NPAS3: variants seen among roughly 807,000 people sequenced by gnomAD.
NPAS3 encodes the protein neuronal PAS domain-containing protein 3.
In NPAS3, 14 loss-of-function variants were observed where a neutral mutation model predicts 73.1. That is an observed-to-expected ratio of 0.19 (90% CI 0.13 to 0.30). The LOEUF (loss-of-function observed/expected upper bound fraction) is 0.30, where lower values mean the gene tolerates loss of function less well. Ranked by LOEUF, NPAS3 falls within the 10% of genes least tolerant of loss-of-function variation. NPAS3 has a pLI of 1.00. For synonymous variants in NPAS3, 620 were observed against 541.5 expected, an observed-to-expected ratio of 1.14 and a Z score of -2.01; for missense variants, 1,096 against 1,250.0, an observed-to-expected ratio of 0.88 and a Z score of 1.86.
chr14:33,560,084 T>C, intron 4 of NPAS3, 37 bp from the exon 5 acceptor site: 1 of 779,012 alleles, frequency 1.3e-6, no homozygotes, highest in Non-Finnish European at 2.2e-6. Context: ...CCTTTGTATT[T>C]ATTAATCTAT....
chr14:33,246,582 C>T (rs1243700677), intron 3 of NPAS3, among the ~76,000 whole-genome samples: 1 of 149,866 alleles, frequency 6.7e-6, no homozygotes, highest in Non-Finnish European at 1.5e-5. Context: ...TCACTTGTTC[C>T]TTTCCTATCT....
In NPAS3 at chr14:33,681,616, A is replaced by C. The variant is rs1360110961; in HGVS notation, c.733+5231A>C. 2.0e-5 allele frequency among the ~76,000 whole-genome samples: 3 copies of C among 152,218 alleles called. No individual in the cohort carries two copies. The East Asian group carries it at 5.8e-4, about 29-fold the overall frequency. On this transcript the variant is annotated intron_variant, in intron 6 of 11. Coordinates refer to ENST00000356141, the Ensembl canonical transcript of NPAS3. Reference sequence around the variant, plus strand: ...TGATTTTTATTGCCAATATATCTACATATAGAGTAGCAACTTTCTGGAATT... The same window carrying C: ...TGATTTTTATTGCCAATATATCTACCTATAGAGTAGCAACTTTCTGGAATT...
intron 2 of NPAS3, among the ~76,000 whole-genome samples, chr14:33,164,813 C>T (rs148363292): frequency 1.1e-3 from 171 of 151,074 alleles, no homozygotes; most frequent in African/African-American, 3.8e-3. Flanking sequence ...AACCCCATTG[C>T]TTCTCCTGTG....
intron 3 of NPAS3, among the ~76,000 whole-genome samples, chr14:33,279,849 G>A (rs948498361): frequency 2.0e-5 from 3 of 152,062 alleles, no homozygotes; most frequent in Non-Finnish European, 4.4e-5. Flanking sequence ...GCACAAAATT[G>A]CCAGTATTTA....
At chr14:33,159,553 C>CTTT (rs11389432) in intron 2 of NPAS3, among the ~76,000 whole-genome samples, 3,831 of 121,328 alleles carry the variant, frequency 0.032, 184 homozygotes, top group South Asian at 0.055. Context: ...TTATAATGAG[C>CTTT]TTTTTTTTTT....
chr14:33,654,732 A>G (rs2059094934), intron 5 of NPAS3, among the ~76,000 whole-genome samples: 2 of 152,170 alleles, frequency 1.3e-5, no homozygotes, highest in South Asian at 2.1e-4. Flanking sequence ...AGTGATTTCT[A>G]TGGGGCTTCT....
intron 1 of NPAS3, among the ~76,000 whole-genome samples, chr14:33,043,134 G>A (rs924119144): frequency 4.6e-5 from 7 of 152,120 alleles, no homozygotes; most frequent in African/African-American, 1.7e-4. Context: ...CAATACTGAA[G>A]CTCTCCTATT....
chr14:33,258,925 T>G (rs2048873488), intron 3 of NPAS3, among the ~76,000 whole-genome samples: 1 of 152,196 alleles, frequency 6.6e-6, no homozygotes, highest in South Asian at 2.1e-4. Context: ...GCCATCCTCC[T>G]GCCTCAGCCT....
At chr14:32,975,304 C>CCCTT (rs747358325) in intron 1 of NPAS3, among the ~76,000 whole-genome samples, 4 of 149,820 alleles carry the variant, frequency 2.7e-5, no homozygotes, top group African/African-American at 4.9e-5. Context: ...CTCCCTCCCT[C>CCCTT]CCTGCCTCCG....
chr14:33,782,823 T>TAAAAA (rs199704146), intron 9 of NPAS3, among the ~76,000 whole-genome samples: 3 of 148,608 alleles, frequency 2.0e-5, no homozygotes, highest in Non-Finnish European at 4.5e-5. Context: ...TGTTTTTTTT[T>TAAAAA]AAAAAAAAGA....
chr14:33,640,180 G>A (rs937319290), intron 5 of NPAS3, among the ~76,000 whole-genome samples: 3 of 148,358 alleles, frequency 2.0e-5, no homozygotes, highest in African/African-American at 5.2e-5. Flanking sequence ...TCGCGACAGC[G>A]AGACCCCCTG....
At chr14:33,109,857 C>G (rs1159762602) in intron 2 of NPAS3, among the ~76,000 whole-genome samples, 1 of 136,280 alleles carries the variant, frequency 7.3e-6, no homozygotes, top group African/African-American at 2.7e-5. Flanking sequence ...CTCTCTGGCT[C>G]CCAGGCTGGA....
chr14:33,747,445 G>A (rs1374620739), intron 7 of NPAS3, among the ~76,000 whole-genome samples: 1 of 152,116 alleles, frequency 6.6e-6, no homozygotes, highest in African/African-American at 2.4e-5. Flanking sequence ...GGGCACAAGG[G>A]ACCAATTTTA....
chr14:33,164,839 C>CTTT (rs202227911), intron 2 of NPAS3, among the ~76,000 whole-genome samples: 16 of 141,890 alleles, frequency 1.1e-4, no homozygotes, highest in Non-Finnish European at 1.7e-4. Context: ...ACAGGTGACT[C>CTTT]TTTTTTTTTT....
At chr14:33,674,562 T>TC (rs1296640961) in intron 5 of NPAS3, among the ~76,000 whole-genome samples, 4 of 152,034 alleles carry the variant, frequency 2.6e-5, no homozygotes, top group South Asian at 2.1e-4. Flanking sequence ...TTCCATGTAA[T>TC]CCCCCCCTCC....
chr14:33,215,072 A>C (rs2047170252), intron 2 of NPAS3, 110 bp from the exon 3 acceptor site: 1 of 1,150,504 alleles, frequency 8.7e-7, no homozygotes, highest in Admixed American at 2.2e-5. Flanking sequence ...GTTTTGAAAT[A>C]GTTTTTGGTA....
At chr14:33,219,052 A>G (rs2047327558) in intron 3 of NPAS3, among the ~76,000 whole-genome samples, 2 of 152,190 alleles carry the variant, frequency 1.3e-5, no homozygotes, top group Non-Finnish European at 2.9e-5. Context: ...TTGTTATAAT[A>G]CAGATCAAAT....
intron 7 of NPAS3, among the ~76,000 whole-genome samples, chr14:33,736,294 A>T (rs1447685196): frequency 6.6e-6 from 1 of 152,236 alleles, no homozygotes; most frequent in East Asian, 1.9e-4. Flanking sequence ...AGCTGTATAG[A>T]AGTCAGAGTC....
chr14:33,741,082 A>G (rs2061644492), intron 7 of NPAS3, among the ~76,000 whole-genome samples: 2 of 152,178 alleles, frequency 1.3e-5, no homozygotes, highest in African/African-American at 4.8e-5. Flanking sequence ...TTCTAAGAGC[A>G]TACACTGAAC....
Sources: gnomAD v4.1 joint callset for allele counts (sites outside exome capture counted in the v4.1 genomes callset) on GRCh38, gnomAD v4.1.1 for gene constraint, MANE v1.5 for transcripts, NCBI Gene and HGNC (gene_info 2026-07-23, HGNC 2026-07-21) for gene names.